Variants in GSG1L observed in about 807,000 individuals in gnomAD.
GSG1L encodes the protein germ cell-specific gene 1-like protein.
A neutral mutation model predicts 42.1 loss-of-function variants in GSG1L; 24 were observed. That is an observed-to-expected ratio of 0.57 (90% confidence interval 0.41 to 0.80). The LOEUF is 0.80. Among genes scored for constraint, GSG1L ranks in the 30% least tolerant of loss-of-function variants. The pLI, the probability that GSG1L is intolerant of heterozygous loss-of-function variation, is 0.00. For missense variants in GSG1L, 445 were observed against 472.2 expected (o/e 0.94, Z 0.53); for synonymous variants, 215 against 203.5 (o/e 1.06, Z -0.48).
intron 2 of GSG1L, among the ~76,000 whole-genome samples, chr16:27,917,845 T>C (rs2084476407): frequency 6.6e-6 from 1 of 152,172 alleles, no homozygotes; most frequent in African/African-American, 2.4e-5. Flanking sequence ...TCGGTCCTTT[T>C]CTAACTTTTG....
chr16:27,852,896 G>C (rs2083531702), intron 3 of GSG1L, among the ~76,000 whole-genome samples: 1 of 152,128 alleles, frequency 6.6e-6, no homozygotes, highest in Non-Finnish European at 1.5e-5. Context: ...CCAGGGCGCT[G>C]AGATGCTGGA....
chr16:28,053,608 C>A (rs906591139), intron 1 of GSG1L, among the ~76,000 whole-genome samples: 1 of 152,168 alleles, frequency 6.6e-6, no homozygotes, highest in Admixed American at 6.5e-5. Flanking sequence ...CAAGGCGAGG[C>A]GGGAAGGGCC....
At chr16:27,972,842 T>A (rs1774189255) in intron 1 of GSG1L, among the ~76,000 whole-genome samples, 1 of 152,216 alleles carries the variant, frequency 6.6e-6, no homozygotes. Context: ...AGGGTGAGAA[T>A]CACAGCCTAT....
chr16:27,856,157 A>ACC (rs148185745), intron 3 of GSG1L, among the ~76,000 whole-genome samples: 27 of 148,516 alleles, frequency 1.8e-4, no homozygotes, highest in African/African-American at 4.7e-4. Flanking sequence ...AGGAATGTGC[A>ACC]CCCCCCCCCA....
intron 2 of GSG1L, among the ~76,000 whole-genome samples, chr16:27,888,330 A>G (rs1173305239): frequency 6.6e-6 from 1 of 151,834 alleles, no homozygotes; most frequent in African/African-American, 2.4e-5. Context: ...AAGTAACTTA[A>G]CCATGGGGAA....
intron 6 of GSG1L, among the ~76,000 whole-genome samples, chr16:27,798,602 G>A (rs987035361): frequency 6.6e-6 from 1 of 152,152 alleles, no homozygotes; most frequent in Admixed American, 6.5e-5. Flanking sequence ...GTTGCTTGGT[G>A]GCAGGTGTAG....
chr16:27,815,163 C>T (rs1048366601), intron 5 of GSG1L, among the ~76,000 whole-genome samples: 2 of 152,062 alleles, frequency 1.3e-5, no homozygotes, highest in African/African-American at 4.8e-5. Flanking sequence ...GATATTTGTC[C>T]CCTCTAAATC....
intron 5 of GSG1L, among the ~76,000 whole-genome samples, chr16:27,826,392 G>A (rs552357459): frequency 1.3e-5 from 2 of 152,202 alleles, no homozygotes; most frequent in Admixed American, 6.5e-5. Context: ...CCCCTTCCTC[G>A]TCCTCGTCCT....
chr16:28,044,709 C>A (rs966278030), intron 1 of GSG1L, among the ~76,000 whole-genome samples: 2 of 151,312 alleles, frequency 1.3e-5, no homozygotes, highest in Non-Finnish European at 2.9e-5. Context: ...CTGCAACCTC[C>A]GCCTCTGAGG....
chr16:27,988,576 T>C (rs2085414378), intron 1 of GSG1L, among the ~76,000 whole-genome samples: 2 of 152,120 alleles, frequency 1.3e-5, no homozygotes, highest in African/African-American at 4.8e-5. Flanking sequence ...ATCTGTGTGG[T>C]CCAAAGCTGA....
chr16:27,929,336 C>T (rs899924679), intron 2 of GSG1L, among the ~76,000 whole-genome samples: 3 of 152,182 alleles, frequency 2.0e-5, no homozygotes, highest in Non-Finnish European at 4.4e-5. Context: ...GGGATGGTCA[C>T]ACAACCCAGG....
chr16:27,927,401 T>A (rs926247036), intron 2 of GSG1L, among the ~76,000 whole-genome samples: 5 of 152,076 alleles, frequency 3.3e-5, no homozygotes, highest in African/African-American at 4.8e-5. Flanking sequence ...CCTTGCCACC[T>A]CTCGCCGGAA....
rs1430677244 is a variant in GSG1L, at chr16:27,884,720, C to A, written c.398-82G>T. The A allele has an allele frequency of 3.0e-6, 4 of 1,347,370 alleles. No homozygotes were observed. The highest frequency in any genetic ancestry group is 1.8e-4 in the Middle Eastern group (1 of 5,414). The allele number at this position is 1,347,370 out of a possible 1,614,324, so 83.5% of individuals were successfully genotyped here. ...CCTGTGCCTATTCCTCCCACAACAG[C>A]AGAGGGTAGCAAGTCATTCTAGAAT... On this transcript the variant is annotated intron_variant, in intron 2 of 6. Transcript: ENST00000447459. This position sits in a 1 kb window ranked among gnomAD's most constrained non-coding sequence, Gnocchi z 4.4.
At chr16:27,923,734 G>GA (rs11425016) in intron 2 of GSG1L, among the ~76,000 whole-genome samples, 32,908 of 128,842 alleles carry the variant, frequency 0.26, 4,565 homozygotes, top group Admixed American at 0.32. Flanking sequence ...ACTCTGTCAA[G>GA]AAAAAAAAAA....
intron 3 of GSG1L, among the ~76,000 whole-genome samples, chr16:27,873,175 T>A (rs1291394003): frequency 6.6e-6 from 1 of 152,134 alleles, no homozygotes; most frequent in Non-Finnish European, 1.5e-5. Context: ...GTGCTATGAT[T>A]CTTGTTTGTG....
intron 1 of GSG1L, among the ~76,000 whole-genome samples, chr16:28,004,672 G>A (rs929191683): frequency 1.3e-5 from 2 of 152,046 alleles, no homozygotes; most frequent in African/African-American, 4.8e-5. Context: ...CAACTACTCA[G>A]TAGGCTGGGG....
chr16:27,963,281 A>G, intron 1 of GSG1L, 78 bp from the exon 2 acceptor site: 1 of 1,236,416 alleles, frequency 8.1e-7, no homozygotes, highest in Non-Finnish European at 1.2e-6. Context: ...CCATCCCATG[A>G]GCCCTGGAGC....
intron 4 of GSG1L, among the ~76,000 whole-genome samples, chr16:27,842,650 G>T (rs1315789645): frequency 6.6e-6 from 1 of 152,074 alleles, no homozygotes; most frequent in African/African-American, 2.4e-5. Context: ...GGCTTCCCTG[G>T]GATTGTTCTA....
intron 1 of GSG1L, among the ~76,000 whole-genome samples, chr16:27,983,228 A>G (rs2085343982): frequency 6.6e-6 from 1 of 152,092 alleles, no homozygotes; most frequent in South Asian, 2.1e-4. Context: ...CCAGCTACTC[A>G]GGAGACTAAG....
Sources: allele counts gnomAD v4.1 joint callset (sites outside exome capture counted in the v4.1 genomes callset), GRCh38; gene constraint gnomAD v4.1.1; non-coding constraint Gnocchi (gnomAD v3.1); transcripts MANE v1.5; gene names NCBI Gene and HGNC (gene_info 2026-07-23, HGNC 2026-07-21).